DCAF7: variants seen among roughly 807,000 people sequenced by gnomAD.
The protein encoded by DCAF7 is DDB1- and CUL4-associated factor 7.
Under a neutral mutation model 41.2 loss-of-function variants are expected in DCAF7, and 4 were observed. That is an observed-to-expected ratio of 0.10 (90% CI 0.05 to 0.22). The LOEUF (loss-of-function observed/expected upper bound fraction) is 0.22. DCAF7 is among the 10% of genes least tolerant of loss of function. The probability of loss-of-function intolerance (pLI) is 1.00; values close to 1 mark genes in which losing one functional copy is unlikely to be tolerated. For synonymous variants in DCAF7, 143 were observed against 164.2 expected, an observed-to-expected ratio of 0.87 and a Z score of 0.99; for missense variants, 131 against 443.2, an observed-to-expected ratio of 0.30 and a Z score of 6.32.
intron 4 of DCAF7, among the ~76,000 whole-genome samples, chr17:63,580,277 A>G (rs1295024429): frequency 6.6e-6 from 1 of 152,132 alleles, no homozygotes; most frequent in Non-Finnish European, 1.5e-5. Flanking sequence ...ACTTATCTTG[A>G]AACAGATTAG....
intron 5 of DCAF7, 62 bp from the exon 6 acceptor site, chr17:63,585,149 A>T: frequency 2.9e-6 from 4 of 1,387,558 alleles, no homozygotes; most frequent in Non-Finnish European, 4.0e-6. Context: ...TGTGGATAGT[A>T]TTTTTTGTTT....
At chr17:63,588,928 T>G in intron 6 of DCAF7, 72 bp from the exon 7 acceptor site, 1 of 1,485,224 alleles carries the variant, frequency 6.7e-7, no homozygotes, top group Non-Finnish European at 9.0e-7. Flanking sequence ...TGTGACTTGC[T>G]CCTGAAATGC....
chr17:63,557,656 A>G (rs879620167), intron 1 of DCAF7, among the ~76,000 whole-genome samples: 5 of 152,228 alleles, frequency 3.3e-5, no homozygotes, highest in Non-Finnish European at 5.9e-5. Context: ...CGTAAGTATA[A>G]TTGGTGTCCC....
At chr17:63,559,483 GA>G (rs1199782329) in intron 1 of DCAF7, among the ~76,000 whole-genome samples, 4 of 143,610 alleles carry the variant, frequency 2.8e-5, no homozygotes, top group East Asian at 2.0e-4. Context: ...ATTGAAACCA[GA>G]AAAAAAAATT....
At position 63,553,739 on chromosome 17, in the gene DCAF7, G is replaced by T. The variant is rs556728300; in HGVS notation, c.138+2924G>T. On this transcript the variant is annotated intron_variant, in intron 1 of 6. Coordinates refer to ENST00000614556, the MANE Select transcript of DCAF7 (RefSeq NM_005828.5). ...ACATGGTTGTAATTTTTAAAAATTT[G>T]CATTAGCATAATCATGTTTTCCTAA... 1.8e-4 allele frequency among the ~76,000 whole-genome samples: 28 copies of T among 152,294 alleles called. No individual in the cohort carries two copies. In the South Asian group the frequency reaches 5.8e-3, roughly 32 times the overall value.
intron 1 of DCAF7, among the ~76,000 whole-genome samples, chr17:63,560,453 G>A (rs954378658): frequency 6.0e-4 from 91 of 152,180 alleles, no homozygotes; most frequent in African/African-American, 2.1e-3. Context: ...TTAAAAGAAT[G>A]AGCTAGCTTT....
rs572223568 is a variant in DCAF7, at chr17:63,578,751, C to G, written c.297+123C>G. ...GAGTGTCATTGCAGCACAGGAGAAG[C>G]AAGCGAAGCTTAAATGGACTGGCCT... On this transcript the variant is annotated intron_variant, in intron 2 of 6. Coordinates refer to ENST00000614556, the MANE Select transcript of DCAF7 (RefSeq NM_005828.5). 6.1e-5 allele frequency: 82 copies of G among 1,351,986 alleles called. No homozygotes were observed. In the South Asian group the frequency reaches 8.7e-4, roughly 14 times the overall value. The allele number at this position is 1,351,986 out of a possible 1,614,324, so 83.7% of individuals were successfully genotyped here.
rs1341281162 is a variant in DCAF7 at position 63,593,988 on chromosome 17, A to G, written c.*4816A>G. The G allele has an allele frequency of 6.6e-6, 1 of 152,638 alleles. No homozygotes were observed. The highest frequency in any genetic ancestry group is 2.4e-5 in the African/African-American group (1 of 41,452). 9.5% of individuals were successfully genotyped at this position (152,638 alleles called of 1,614,324 possible). On this transcript the variant is annotated 3_prime_UTR_variant, in exon 7 of 7. Transcript: ENST00000614556. ...AGGAAGCTGCCCCTTGCAGAACTGTACTGTAATATTTTTCTTTTATAAATA... is the reference window on the plus strand; with the variant it reads ...AGGAAGCTGCCCCTTGCAGAACTGTGCTGTAATATTTTTCTTTTATAAATA...
intron 1 of DCAF7, among the ~76,000 whole-genome samples, chr17:63,567,849 A>G (rs971507693): frequency 6.6e-6 from 1 of 151,760 alleles, no homozygotes. Context: ...TCTTACAGAG[A>G]TGGGATTTTG....
intron 1 of DCAF7, among the ~76,000 whole-genome samples, chr17:63,575,459 A>C (rs1470036935): frequency 6.6e-6 from 1 of 152,008 alleles, no homozygotes; most frequent in Non-Finnish European, 1.5e-5. Context: ...CAGCACCCTG[A>C]GAGGGCGAGA....
At chr17:63,566,678 T>G (rs891020837) in intron 1 of DCAF7, among the ~76,000 whole-genome samples, 5 of 152,170 alleles carry the variant, frequency 3.3e-5, no homozygotes, top group Non-Finnish European at 5.9e-5. Context: ...CCCAGCAATA[T>G]GGGAGGCCAG....
intron 5 of DCAF7, among the ~76,000 whole-genome samples, chr17:63,584,588 G>A (rs1203894991): frequency 1.3e-5 from 2 of 151,270 alleles, no homozygotes; most frequent in Non-Finnish European, 2.9e-5. Context: ...GTGAAACCCC[G>A]TCTCTGCTAA....
chr17:63,551,924 A>T (rs2033260768), intron 1 of DCAF7, among the ~76,000 whole-genome samples: 1 of 130,880 alleles, frequency 7.6e-6, no homozygotes, highest in South Asian at 2.5e-4. Flanking sequence ...AAAAAAAAAA[A>T]AAAAAAAGCC....
At chr17:63,578,761 T>G in intron 2 of DCAF7, 133 bp downstream of exon 2, 1 of 1,254,816 alleles carries the variant, frequency 8.0e-7, no homozygotes, top group African/African-American at 1.5e-5. Context: ...CAAGCGAAGC[T>G]TAAATGGACT....
At chr17:63,565,645 T>A (rs2033432351) in intron 1 of DCAF7, among the ~76,000 whole-genome samples, 1 of 152,180 alleles carries the variant, frequency 6.6e-6, no homozygotes, top group African/African-American at 2.4e-5. Context: ...CATTCTTTAC[T>A]GAAAGTGGGA....
chr17:63,558,605 A>G (rs1341282241), intron 1 of DCAF7, among the ~76,000 whole-genome samples: 1 of 152,180 alleles, frequency 6.6e-6, no homozygotes, highest in African/African-American at 2.4e-5. Flanking sequence ...TAGTGTGAGT[A>G]TAACTCACTG....
At chr17:63,566,692 G>A (rs978776626) in intron 1 of DCAF7, among the ~76,000 whole-genome samples, 7 of 152,158 alleles carry the variant, frequency 4.6e-5, no homozygotes, top group Admixed American at 1.3e-4. Flanking sequence ...AGGCCAGGGC[G>A]GGAGGATTGT....
intron 1 of DCAF7, among the ~76,000 whole-genome samples, chr17:63,567,620 C>T (rs1013009019): frequency 6.6e-6 from 1 of 152,218 alleles, no homozygotes; most frequent in Non-Finnish European, 1.5e-5. Context: ...GCAAAGCTTA[C>T]ATTGTTTTGT....
intron 1 of DCAF7, among the ~76,000 whole-genome samples, chr17:63,553,627 A>T (rs1286283966): frequency 2.6e-5 from 4 of 152,222 alleles, no homozygotes; most frequent in Admixed American, 6.5e-5. Flanking sequence ...CCAGCAGAGG[A>T]TAAAGTAAAA....
Sources: allele counts gnomAD v4.1 joint callset (sites outside exome capture counted in the v4.1 genomes callset), GRCh38; gene constraint gnomAD v4.1.1; transcripts MANE v1.5; gene names NCBI Gene and HGNC (gene_info 2026-07-23, HGNC 2026-07-21).